Variants in NALF1 observed in about 807,000 individuals in gnomAD.
NALF1 encodes the protein NALCN channel auxiliary factor 1.
NALF1 carries 3 observed loss-of-function variants against 48.4 expected under a neutral mutation model. The ratio of observed to expected loss-of-function variants is 0.06; its 90% CI spans 0.03 to 0.16. NALF1 has a LOEUF of 0.16. Ranked by LOEUF, NALF1 falls within the 10% of genes least tolerant of loss-of-function variation. NALF1 has a pLI of 1.00. For synonymous variants in NALF1, 262 were observed against 245.7 expected (o/e 1.07, Z -0.62); for missense variants, 526 against 571.5 (o/e 0.92, Z 0.81).
intron 1 of NALF1, among the ~76,000 whole-genome samples, chr13:107,309,809 G>A (rs1471639110): frequency 6.6e-6 from 1 of 152,210 alleles, no homozygotes; most frequent in Non-Finnish European, 1.5e-5. Flanking sequence ...GATTTGGTTA[G>A]TATGCAGCTT....
At chr13:107,807,828 T>G (rs144709737) in intron 1 of NALF1, among the ~76,000 whole-genome samples, 8 of 152,288 alleles carry the variant, frequency 5.3e-5, no homozygotes, top group African/African-American at 1.9e-4. Flanking sequence ...ATATACCCCA[T>G]GGGGAACAGC....
At chr13:107,585,747 C>A (rs1310955270) in intron 1 of NALF1, among the ~76,000 whole-genome samples, 1 of 152,106 alleles carries the variant, frequency 6.6e-6, no homozygotes, top group Admixed American at 6.6e-5. Context: ...TACCTCAGAA[C>A]AACAAAACAT....
chr13:107,703,821 C>A (rs1348900952), intron 1 of NALF1, among the ~76,000 whole-genome samples: 2 of 152,186 alleles, frequency 1.3e-5, no homozygotes, highest in African/African-American at 4.8e-5. Context: ...ACCCCCTGTT[C>A]CCTACATTTC....
intron 1 of NALF1, among the ~76,000 whole-genome samples, chr13:107,222,523 C>T (rs1880015858): frequency 6.6e-6 from 1 of 152,192 alleles, no homozygotes; most frequent in African/African-American, 2.4e-5. Flanking sequence ...ATTTTCTTGT[C>T]ATACTTTAAC....
chr13:107,422,317 A>C (rs1375511300), intron 1 of NALF1, among the ~76,000 whole-genome samples: 2 of 152,120 alleles, frequency 1.3e-5, no homozygotes, highest in African/African-American at 4.8e-5. Context: ...TCATGCTCTT[A>C]CCTCAGTACA....
chr13:107,497,266 T>G (rs1875368243), intron 1 of NALF1, among the ~76,000 whole-genome samples: 1 of 152,174 alleles, frequency 6.6e-6, no homozygotes, highest in Non-Finnish European at 1.5e-5. Context: ...TTAGTTATAC[T>G]CTTAATTACT....
At chr13:107,498,603 C>T (rs1351733874) in intron 1 of NALF1, among the ~76,000 whole-genome samples, 1 of 151,978 alleles carries the variant, frequency 6.6e-6, no homozygotes, top group Non-Finnish European at 1.5e-5. Context: ...AGGGGGAGAA[C>T]AACGTGGAAT....
intron 1 of NALF1, among the ~76,000 whole-genome samples, chr13:107,556,272 C>CATATATATATATATATAT (rs56407804): frequency 2.3e-5 from 3 of 131,362 alleles, no homozygotes; most frequent in Admixed American, 7.9e-5. Flanking sequence ...TCTCTCTCAA[C>CATATATATATATATATAT]ATATATATAT....
At chr13:107,217,563 T>C (rs1374645934) in intron 1 of NALF1, among the ~76,000 whole-genome samples, 1 of 152,008 alleles carries the variant, frequency 6.6e-6, no homozygotes, top group Non-Finnish European at 1.5e-5. Flanking sequence ...GTCTCTCTCT[T>C]TCTCTCCCTC....
intron 1 of NALF1, among the ~76,000 whole-genome samples, chr13:107,367,056 T>TC (rs1883163698): frequency 6.6e-6 from 1 of 152,136 alleles, no homozygotes. Flanking sequence ...GGACAACTAG[T>TC]CCCTTGCACA....
rs2138756124 is a variant in NALF1, at chr13:107,165,406, G to T, written c.*5091C>A. Reference sequence around the variant, plus strand: ...AGCCAGCTTGTGTAATTTGTAATCAGAAGATGCTTGAGTTCCATCATTTGC... The same window carrying T: ...AGCCAGCTTGTGTAATTTGTAATCATAAGATGCTTGAGTTCCATCATTTGC... On this transcript the variant is annotated 3_prime_UTR_variant, in exon 3 of 3. Transcript: ENST00000375915. The T allele has an allele frequency of 6.6e-6, 1 of 152,302 alleles. No homozygotes were observed. The highest frequency in any genetic ancestry group is 2.4e-5 in the African/African-American group (1 of 41,570). 9.4% of individuals were successfully genotyped at this position (152,302 alleles called of 1,614,324 possible).
chr13:107,796,363 T>C (rs1173622611), intron 1 of NALF1, among the ~76,000 whole-genome samples: 4 of 152,248 alleles, frequency 2.6e-5, no homozygotes. Flanking sequence ...TTTGGAGGCC[T>C]TGATGTAATA....
rs1349120807 is a variant in NALF1, at chr13:107,213,982, A to C, written c.916-3227T>G. Among the ~76,000 whole-genome samples, 3 of 152,242 alleles carry C rather than the reference A, an allele frequency of 2.0e-5. No homozygotes were observed. In the East Asian group the frequency reaches 5.8e-4, roughly 29 times the overall value. On this transcript the variant is annotated intron_variant, in intron 1 of 2. Transcript: ENST00000375915. ...CAAAACAAAGACAAGAGAAAAAACA[A>C]ACAGGTAGCTACCAGCGTGATATAA...
At chr13:107,557,923 G>A (rs1015954176) in intron 1 of NALF1, among the ~76,000 whole-genome samples, 2 of 152,052 alleles carry the variant, frequency 1.3e-5, no homozygotes, top group African/African-American at 4.8e-5. Context: ...TCTCAGTACC[G>A]TGTCTGTGCA....
intron 1 of NALF1, among the ~76,000 whole-genome samples, chr13:107,680,584 CTGTG>C (rs1291109653): frequency 6.9e-6 from 1 of 145,232 alleles, no homozygotes; most frequent in East Asian, 2.1e-4. Flanking sequence ...GGGTATGTGA[CTGTG>C]TGTGAGGATG....
rs1163977384 is a variant in NALF1 at position 107,404,499 on chromosome 13, A to G, written c.916-193744T>C. On this transcript the variant is annotated intron_variant, in intron 1 of 2. Transcript: ENST00000375915. ...ATTAAAATTGACCTACAGAAAGAAA[A>G]TTCAAAATATCAAAATAAAAATTCA... 4.6e-5 allele frequency among the ~76,000 whole-genome samples: 7 copies of G among 152,274 alleles called. No individual in the cohort carries two copies. In the South Asian group the frequency reaches 1.2e-3, roughly 27 times the overall value.
At chr13:107,511,150 G>A (rs919645688) in intron 1 of NALF1, among the ~76,000 whole-genome samples, 4 of 152,136 alleles carry the variant, frequency 2.6e-5, no homozygotes, top group Admixed American at 6.5e-5. Flanking sequence ...CCGGATGGAG[G>A]GCATCCACAG....
intron 1 of NALF1, among the ~76,000 whole-genome samples, chr13:107,579,305 G>C (rs545021587): frequency 2.0e-5 from 3 of 152,190 alleles, no homozygotes; most frequent in African/African-American, 7.2e-5. Flanking sequence ...TGGCAAGACC[G>C]GTCTTGAACT....
At chr13:107,567,823 T>C (rs1877859211) in intron 1 of NALF1, among the ~76,000 whole-genome samples, 1 of 152,174 alleles carries the variant, frequency 6.6e-6, no homozygotes, top group Non-Finnish European at 1.5e-5. Context: ...TAATCTGTTC[T>C]TCATCTCTGT....
Sources: allele counts gnomAD v4.1 joint callset (sites outside exome capture counted in the v4.1 genomes callset), GRCh38; gene constraint gnomAD v4.1.1; transcripts MANE v1.5; gene names NCBI Gene and HGNC (gene_info 2026-07-23, HGNC 2026-07-21).